Variants in RADIL observed in about 807,000 individuals in gnomAD.
RADIL encodes the protein ras-associating and dilute domain-containing protein.
Under a neutral mutation model 97.6 loss-of-function variants are expected in RADIL, and 99 were observed. The observed-to-expected ratio is 1.01, with a 90% CI of 0.86 to 1.20. RADIL has a LOEUF of 1.20. RADIL is among the 50% of genes most tolerant of loss of function. The probability of loss-of-function intolerance (pLI) is 0.00; values close to 1 mark genes in which losing one functional copy is unlikely to be tolerated. For missense variants in RADIL, 1,765 were observed against 1,498.9 expected, an observed-to-expected ratio of 1.18 and a Z score of -2.93; for synonymous variants, 803 against 691.8, an observed-to-expected ratio of 1.16 and a Z score of -2.52.
intron 2 of RADIL, among the ~76,000 whole-genome samples, chr7:4,838,470 G>T (rs1031949261): frequency 2.0e-5 from 3 of 152,112 alleles, no homozygotes; most frequent in African/African-American, 7.2e-5. Flanking sequence ...GGCCACAAAT[G>T]CGGCACGGGA....
chr7:4,861,834 G>GCACGTCCCCTACCACCGCGACCTT lies in RADIL; in HGVS notation c.535+15770_535+15771insAAGGTCGCGGTGGTAGGGGACGTG, dbSNP rs1554264945. On this transcript the variant is annotated intron_variant, in intron 2 of 14. Coordinates refer to ENST00000399583, the MANE Select transcript of RADIL (RefSeq NM_018059.5). ...ATCTTTCAGCGCCCGCCCCGCCAGGGCACGTCCCCCACCACCGCGACCTTC... is the reference window on the plus strand; with the variant it reads ...ATCTTTCAGCGCCCGCCCCGCCAGGGCACGTCCCCTACCACCGCGACCTTCACGTCCCCCACCACCGCGACCTTC... 6.3e-6 allele frequency: 8 copies of GCACGTCCCCTACCACCGCGACCTT among 1,268,774 alleles called. No homozygotes were observed. The African/African-American group carries it at 7.8e-5, about 12-fold the overall frequency. 78.6% of individuals were successfully genotyped at this position (1,268,774 alleles called of 1,614,324 possible).
At chr7:4,875,440 T>C (rs1251054702) in intron 2 of RADIL, among the ~76,000 whole-genome samples, 2 of 149,550 alleles carry the variant, frequency 1.3e-5, no homozygotes, top group Non-Finnish European at 3.0e-5. Flanking sequence ...TCCTGTCTCC[T>C]GCAACATGCA....
At position 4,834,988 on chromosome 7, in the gene RADIL, G is replaced by A; in HGVS notation, c.1035C>T (p.Leu345=). 1 of 1,611,402 alleles carries A rather than the reference G, an allele frequency of 6.2e-7. No homozygotes were observed. The highest frequency in any genetic ancestry group is 8.5e-7 in the Non-Finnish European group (1 of 1,179,338). The stretch of plus-strand genomic sequence containing the variant: ...GCAGCAGGTAGTAGAGCCCCAGGGA[G>A]AGCAGGTCCCCGTGGTGCAGCACCA... ...RTVVLHHGDL[L]SLGLYYLLLF... The change falls in exon 4 of 15, where the codon CTC becomes CTT. Residue 345 remains leucine, a synonymous_variant. Coordinates refer to ENST00000399583, the MANE Select transcript of RADIL (RefSeq NM_018059.5). This position sits in a 1 kb window ranked among gnomAD's most constrained non-coding sequence, Gnocchi z 6.0.
intron 2 of RADIL, among the ~76,000 whole-genome samples, chr7:4,869,964 C>G (rs118134256): frequency 0.013 from 2,005 of 152,206 alleles, 98 homozygotes; most frequent in East Asian, 0.12. Context: ...GACCTCATCT[C>G]TACCAAAAAA....
At chr7:4,812,514 C>A (rs934341843) in intron 9 of RADIL, among the ~76,000 whole-genome samples, 1 of 151,892 alleles carries the variant, frequency 6.6e-6, no homozygotes, top group Non-Finnish European at 1.5e-5. Context: ...CTCTGCCCCC[C>A]AGGTTCAAGG....
intron 4 of RADIL, among the ~76,000 whole-genome samples, chr7:4,832,947 G>A (rs939413310): frequency 1.6e-4 from 24 of 152,224 alleles, no homozygotes; most frequent in African/African-American, 2.6e-4. Flanking sequence ...AGCACCCAGC[G>A]GAGGCTTCGG....
At chr7:4,852,661 T>C (rs1309783753) in intron 2 of RADIL, among the ~76,000 whole-genome samples, 1 of 152,110 alleles carries the variant, frequency 6.6e-6, no homozygotes, top group African/African-American at 2.4e-5. Flanking sequence ...GTTGCCCACA[T>C]AGCACAGAGT....
chr7:4,855,516 G>A (rs1250762721), intron 2 of RADIL, among the ~76,000 whole-genome samples: 1 of 151,158 alleles, frequency 6.6e-6, no homozygotes, highest in Non-Finnish European at 1.5e-5. Flanking sequence ...GCTTCCCAAA[G>A]GGGCCAAAAC....
In RADIL at chr7:4,835,081, C is replaced by A; in HGVS notation, c.942G>T (p.Arg314Ser). The change falls in exon 4 of 15, where the codon AGG (arginine) becomes AGT (serine). Residue 314 changes from arginine to serine, a missense_variant. Coordinates refer to ENST00000399583, the MANE Select transcript of RADIL (RefSeq NM_018059.5). The surrounding 1 kb of genome is among the most constrained non-coding windows in gnomAD (Gnocchi z 5.8). ...CCCCGGGGATGGGCTCCAGGACCAGCCTCCCCGCGGCCTGGCCGCTGTCCG... is the reference window on the plus strand; with the variant it reads ...CCCCGGGGATGGGCTCCAGGACCAGACTCCCCGCGGCCTGGCCGCTGTCCG... ...PLPDSGQAAG[R>S]LVLEPIPGAH... 1 of 1,607,464 alleles carries A rather than the reference C, an allele frequency of 6.2e-7. No homozygotes were observed.
intron 2 of RADIL, among the ~76,000 whole-genome samples, chr7:4,856,107 C>CT (rs112928865): frequency 0.43 from 62,744 of 146,412 alleles, 13,909 homozygotes; most frequent in African/African-American, 0.55. Context: ...CTGAATCCAG[C>CT]TTTTTTTTTT....
intron 1 of RADIL, among the ~76,000 whole-genome samples, chr7:4,881,598 G>A (rs1396243163): frequency 8.6e-5 from 13 of 151,284 alleles, no homozygotes; most frequent in African/African-American, 3.2e-4. Context: ...ATGGTGGCGG[G>A]TGCCTGTAAC....
At chr7:4,865,723 TG>T in intron 2 of RADIL, 2 of 1,071,396 alleles carry the variant, frequency 1.9e-6, no homozygotes, top group Non-Finnish European at 2.9e-6. Flanking sequence ...TTCTACGGGG[TG>T]GGTGCAATCA....
At chr7:4,801,538 T>C in intron 12 of RADIL, 115 bp downstream of exon 12, 2 of 1,152,500 alleles carry the variant, frequency 1.7e-6, no homozygotes, top group South Asian at 3.0e-5. Context: ...CAGGTGTCTG[T>C]GGGGCAGGTA....
chr7:4,827,446 G>A (rs1049369433), intron 5 of RADIL, among the ~76,000 whole-genome samples: 4 of 151,040 alleles, frequency 2.6e-5, no homozygotes, highest in Admixed American at 2.0e-4. Context: ...GGTCACCAGA[G>A]GTCAGGCGAT....
At chr7:4,862,590 C>G (rs1180468774) in intron 2 of RADIL, among the ~76,000 whole-genome samples, 1 of 152,196 alleles carries the variant, frequency 6.6e-6, no homozygotes, top group Non-Finnish European at 1.5e-5. Context: ...TGTGTCCAGG[C>G]ATAGATTTCT....
chr7:4,809,230 A>T (rs976054391), intron 9 of RADIL: 1 of 985,036 alleles, frequency 1.0e-6, no homozygotes, highest in African/African-American at 1.8e-5. Flanking sequence ...CATCTCCCGC[A>T]GGGGCGCTCG....
Position 4,816,422 on chromosome 7 carries a change from A to G in RADIL, c.1772T>C (p.Phe591Ser). 1 of 1,608,108 alleles carries G rather than the reference A, an allele frequency of 6.2e-7. No homozygotes were observed. Among genetic ancestry groups the G allele is most frequent in the Non-Finnish European group, 8.5e-7 (1 of 1,178,384 alleles). ...CCAGCTCTCACGGCGCTCCGTCTGG[A>G]ATGGCGGGCACTCCAGGAGTGCCGG... The part of the protein sequence containing the change: ...CLPALLECPP[F>S]QTERRESWSS... Residue 591 changes from phenylalanine to serine, a missense_variant, in exon 8 of 15, where the codon TTC becomes TCC. By Grantham distance (155) the Phe-to-Ser change is radical (BLOSUM62 -2). Coordinates refer to ENST00000399583, the MANE Select transcript of RADIL (RefSeq NM_018059.5).
intron 11 of RADIL, 104 bp downstream of exon 11, chr7:4,803,442 G>C: frequency 1.0e-6 from 1 of 969,126 alleles, no homozygotes; most frequent in Non-Finnish European, 1.4e-6. Flanking sequence ...CTCGGGGCAC[G>C]CTGGCTGGGT....
At chr7:4,870,863 G>C (rs1784236907) in intron 2 of RADIL, among the ~76,000 whole-genome samples, 1 of 152,204 alleles carries the variant, frequency 6.6e-6, no homozygotes, top group Admixed American at 6.5e-5. Flanking sequence ...CGAGTCCCCA[G>C]GGCAGGAGGG....
Sources: allele counts gnomAD v4.1 joint callset (sites outside exome capture counted in the v4.1 genomes callset), GRCh38; gene constraint gnomAD v4.1.1; non-coding constraint Gnocchi (gnomAD v3.1); transcripts MANE v1.5; gene names NCBI Gene and HGNC (gene_info 2026-07-23, HGNC 2026-07-21).